The following RELN variants were observed in gnomAD, a reference collection of about 807,000 sequenced individuals.
The protein encoded by RELN is reelin.
In RELN, 108 loss-of-function variants were observed where a neutral mutation model predicts 427.6. That is an observed-to-expected ratio of 0.25 (90% CI 0.22 to 0.30). The LOEUF (loss-of-function observed/expected upper bound fraction) is 0.30. RELN is among the 10% of genes least tolerant of loss of function. The pLI is 1.00. For synonymous variants in RELN, 1,524 were observed against 1,513.4 expected, an observed-to-expected ratio of 1.01 and a Z score of -0.16; for missense variants, 3,715 against 4,302.8, an observed-to-expected ratio of 0.86 and a Z score of 3.82.
intron 4 of RELN, among the ~76,000 whole-genome samples, chr7:103,762,032 G>A (rs1467210836): frequency 6.6e-6 from 1 of 152,088 alleles, no homozygotes; most frequent in East Asian, 1.9e-4. Flanking sequence ...ATTTTCCAAT[G>A]TCTATTCTTC....
intron 1 of RELN, among the ~76,000 whole-genome samples, chr7:103,925,833 C>T (rs1303662245): frequency 6.6e-6 from 1 of 152,086 alleles, no homozygotes; most frequent in Non-Finnish European, 1.5e-5. Context: ...CTTATAAGCA[C>T]ATACACAGGT....
intron 3 of RELN, among the ~76,000 whole-genome samples, chr7:103,814,293 TAG>T (rs1198935346): frequency 6.6e-6 from 1 of 152,160 alleles, no homozygotes; most frequent in African/African-American, 2.4e-5. Context: ...AGAAGACATT[TAG>T]AGAGTTACAT....
intron 64 of RELN, among the ~76,000 whole-genome samples, chr7:103,475,853 G>T (rs899175635): frequency 3.9e-5 from 6 of 152,112 alleles, no homozygotes; most frequent in African/African-American, 1.4e-4. Context: ...CAATTTAGGG[G>T]ACATTTTGAA....
At chr7:103,837,973 C>T (rs188323285) in intron 2 of RELN, among the ~76,000 whole-genome samples, 1 of 151,996 alleles carries the variant, frequency 6.6e-6, no homozygotes, top group Admixed American at 6.5e-5. Context: ...TTTGGGAGGC[C>T]GAGGTGGGTG....
chr7:103,551,950 T>G (rs1489423303), intron 40 of RELN, among the ~76,000 whole-genome samples: 3 of 152,056 alleles, frequency 2.0e-5, no homozygotes, highest in African/African-American at 7.2e-5. Context: ...TGTGTGTGTG[T>G]GTGTGTGTGG....
intron 10 of RELN, among the ~76,000 whole-genome samples, chr7:103,693,834 T>C (rs1043027994): frequency 6.6e-6 from 1 of 152,144 alleles, no homozygotes; most frequent in Non-Finnish European, 1.5e-5. Context: ...GATTTATCTT[T>C]CTTTATTGTT....
intron 19 of RELN, among the ~76,000 whole-genome samples, chr7:103,634,936 G>A (rs1331681374): frequency 6.6e-6 from 1 of 151,774 alleles, no homozygotes; most frequent in Non-Finnish European, 1.5e-5. Context: ...TCGGCTCACT[G>A]CAATCTCTGC....
chr7:103,876,354 T>C (rs116242256), intron 2 of RELN, among the ~76,000 whole-genome samples: 2 of 152,104 alleles, frequency 1.3e-5, no homozygotes, highest in African/African-American at 2.4e-5. Context: ...AATTTGGGGG[T>C]TTATCATATT....
At chr7:103,656,236 A>G (rs1213090733) in intron 12 of RELN, among the ~76,000 whole-genome samples, 3 of 152,114 alleles carry the variant, frequency 2.0e-5, no homozygotes, top group Non-Finnish European at 4.4e-5. Context: ...TTGAAAATAC[A>G]CTATTGGAAT....
At chr7:103,672,765 T>C (rs915257978) in intron 11 of RELN, among the ~76,000 whole-genome samples, 1 of 152,212 alleles carries the variant, frequency 6.6e-6, no homozygotes, top group Admixed American at 6.5e-5. Flanking sequence ...TAATTTTCTT[T>C]TGAGCACCAC....
chr7:103,526,691 G>A (rs1035783921), intron 46 of RELN, among the ~76,000 whole-genome samples: 8 of 152,210 alleles, frequency 5.3e-5, no homozygotes, highest in Non-Finnish European at 1.0e-4. Flanking sequence ...GCTCCACTGT[G>A]TGAAGGGGCT....
chr7:103,944,583 T>C (rs1328316261), intron 1 of RELN, among the ~76,000 whole-genome samples: 1 of 152,180 alleles, frequency 6.6e-6, no homozygotes, highest in Non-Finnish European at 1.5e-5. Flanking sequence ...AGGATGCCCA[T>C]CTTGTAAGTG....
intron 1 of RELN, among the ~76,000 whole-genome samples, chr7:103,918,954 G>GA (rs1400397679): frequency 5.3e-5 from 8 of 151,880 alleles, no homozygotes; most frequent in Admixed American, 1.3e-4. Context: ...ATCATCTAAA[G>GA]AAAAAAATAC....
At chr7:103,570,385 C>T (rs981329814) in intron 31 of RELN, among the ~76,000 whole-genome samples, 2 of 152,222 alleles carry the variant, frequency 1.3e-5, no homozygotes, top group African/African-American at 2.4e-5. Context: ...TTCAATGTAT[C>T]AAATGTCACT....
intron 8 of RELN, among the ~76,000 whole-genome samples, chr7:103,701,222 T>A (rs1030303309): frequency 6.6e-6 from 1 of 152,116 alleles, no homozygotes; most frequent in African/African-American, 2.4e-5. Context: ...AAAAGAAATA[T>A]AAATTGCAGA....
chr7:103,648,154 T>C (rs1020618557), intron 16 of RELN, among the ~76,000 whole-genome samples: 5 of 152,050 alleles, frequency 3.3e-5, no homozygotes, highest in African/African-American at 9.7e-5. Flanking sequence ...TCATGTCAAA[T>C]TGTAGTCCCC....
At chr7:103,955,545 T>C (rs1323515006) in intron 1 of RELN, among the ~76,000 whole-genome samples, 1 of 152,214 alleles carries the variant, frequency 6.6e-6, no homozygotes, top group Non-Finnish European at 1.5e-5. Flanking sequence ...TCTCCAGTTC[T>C]AGAAAATCAT....
intron 63 of RELN, among the ~76,000 whole-genome samples, chr7:103,480,123 T>G (rs1828181035): frequency 6.6e-6 from 1 of 152,178 alleles, no homozygotes; most frequent in South Asian, 2.1e-4. Context: ...CTGCCATGCT[T>G]GAGGAGTTAA....
chr7:103,544,980 G>T, intron 42 of RELN, 144 bp downstream of exon 42: 1 of 723,080 alleles, frequency 1.4e-6, no homozygotes, highest in Non-Finnish European at 2.4e-6. Flanking sequence ...TATAAATTCA[G>T]AACTAAATGA....
Sources: allele counts gnomAD v4.1 joint callset (sites outside exome capture counted in the v4.1 genomes callset), GRCh38; gene constraint gnomAD v4.1.1; transcripts MANE v1.5; gene names NCBI Gene and HGNC (gene_info 2026-07-23, HGNC 2026-07-21).